The following IDO1 variants were observed in gnomAD, a reference collection of about 807,000 sequenced individuals.
IDO1 encodes the protein indolamine 2,3 dioxygenase.
Under a neutral mutation model 38.8 loss-of-function variants are expected in IDO1, and 35 were observed. The observed-to-expected ratio is 0.90, with a 90% CI of 0.69 to 1.20. The LOEUF (loss-of-function observed/expected upper bound fraction) is 1.20, where lower values mean the gene tolerates loss of function less well. Ranked by LOEUF, IDO1 falls within the 50% of genes most tolerant of loss-of-function variation. IDO1 has a pLI of 0.00. For missense variants in IDO1, 509 were observed against 485.1 expected, an observed-to-expected ratio of 1.05 and a Z score of -0.46; for synonymous variants, 171 against 170.0, an observed-to-expected ratio of 1.01 and a Z score of -0.05.
At position 39,920,112 on chromosome 8, in the gene IDO1, T is replaced by C. The variant is rs749071072; in HGVS notation, c.435T>C (p.Tyr145=). 17 of 1,609,900 alleles carry C rather than the reference T, an allele frequency of 1.1e-5. No homozygotes were observed. Among genetic ancestry groups the C allele is most frequent in the African/African-American group, 2.7e-5 (2 of 74,854 alleles). The change falls in exon 5 of 10, where the codon TAT becomes TAC. Residue 145 remains tyrosine, a splice_region_variant and synonymous_variant. Transcript: ENST00000518237. The part of the protein sequence containing the change: ...KKKDPNKPLT[Y]ENMDVLFSFR... ...CTGCTTTCATAAGGCCCCTGACTTA[T>C]GAGTAAGTATCTGATTCTTGTTTGA...
chr8:39,916,123 G>A (rs1241461409), intron 1 of IDO1, among the ~76,000 whole-genome samples: 2 of 151,954 alleles, frequency 1.3e-5, no homozygotes, highest in African/African-American at 4.8e-5. Context: ...CTGAGATCAC[G>A]CCACCGCACT....
At chr8:39,924,608 T>G (rs1172779423) in intron 7 of IDO1, 113 bp from the exon 8 acceptor site, 1 of 708,504 alleles carries the variant, frequency 1.4e-6, no homozygotes, top group African/African-American at 1.7e-5. Flanking sequence ...TAGACTGACC[T>G]AATGCCTTTT....
In IDO1 at chr8:39,920,047, G is replaced by A. The variant is rs910013393; in HGVS notation, c.423-53G>A. ...ACTCATCATTATTTGATGTTAAATT[G>A]GTTTTCTTTCTCTCTTCCAATTGGT... On this transcript the variant is annotated intron_variant, in intron 4 of 9. Transcript: ENST00000518237. 9 of 1,526,116 alleles carry A rather than the reference G, an allele frequency of 5.9e-6. No individual in the cohort carries two copies. In the African/African-American group the frequency reaches 9.6e-5, roughly 16 times the overall value. 94.5% of individuals were successfully genotyped at this position (1,526,116 alleles called of 1,614,324 possible).
At chr8:39,917,259 G>T (rs1423361720) in intron 1 of IDO1, among the ~76,000 whole-genome samples, 1 of 152,190 alleles carries the variant, frequency 6.6e-6, no homozygotes, top group Non-Finnish European at 1.5e-5. Flanking sequence ...ACTTTGGGAG[G>T]CCGAGGCAGG....
chr8:39,913,967 C>T lies in IDO1; in HGVS notation c.45C>T (p.Tyr15=). Residue 15 remains tyrosine (Y), a synonymous_variant, in exon 1 of 10, where the codon TAC becomes TAT. Transcript: ENST00000518237. ...MENSWTISKE[Y]HIDEEVGFAL... Reference sequence around the variant, plus strand: ...ACTCCTGGACAATCAGTAAAGAGTACCATATTGATGAAGAAGTGGGCTTTG... The same window carrying T: ...ACTCCTGGACAATCAGTAAAGAGTATCATATTGATGAAGAAGTGGGCTTTG... 1.3e-6 allele frequency: 2 copies of T among 1,575,758 alleles called. No individual in the cohort carries two copies. The highest frequency in any genetic ancestry group is 2.3e-5 in the East Asian group (1 of 43,144).
At chr8:39,923,659 G>T (rs1220507661) in intron 7 of IDO1, 73 bp downstream of exon 7, 2 of 851,786 alleles carry the variant, frequency 2.3e-6, no homozygotes, top group South Asian at 1.7e-5. Flanking sequence ...GTTGAAAAAA[G>T]GGAAGCAAAA....
At chr8:39,915,925 G>A (rs879625084) in intron 1 of IDO1, among the ~76,000 whole-genome samples, 2 of 152,182 alleles carry the variant, frequency 1.3e-5, no homozygotes, top group Non-Finnish European at 2.9e-5. Flanking sequence ...CAGCACTTTG[G>A]GAGACGGAGG....
At chr8:39,924,600 G>T in intron 7 of IDO1, 121 bp from the exon 8 acceptor site, 2 of 685,968 alleles carry the variant, frequency 2.9e-6, no homozygotes, top group South Asian at 3.5e-5. Context: ...GTTTAGCATA[G>T]ACTGACCTAA....
At chr8:39,916,160 CA>C (rs1554541583) in intron 1 of IDO1, among the ~76,000 whole-genome samples, 1 of 133,614 alleles carries the variant, frequency 7.5e-6, no homozygotes, top group East Asian at 2.3e-4. Context: ...AGCGAGACTC[CA>C]TCTCAGGAAA....
In IDO1 at chr8:39,918,862, A is replaced by AC. The variant is rs775610754; in HGVS notation, c.352dup (p.Leu118ProfsTer23). ...TTCCTTACTGCCAACTCTCCAAGAA[A>AC]CTGGAACTGCCTCCTATTTTGGTTT... is the stretch of plus-strand genomic sequence containing the variant. On this transcript the variant is annotated frameshift_variant, in exon 4 of 10. Coordinates refer to ENST00000518237, the MANE Select transcript of IDO1 (RefSeq NM_002164.6). LOFTEE classifies it high-confidence loss of function. The AC allele has an allele frequency of 5.6e-6, 9 of 1,613,598 alleles. No individual in the cohort carries two copies. Among genetic ancestry groups the AC allele is most frequent in the Non-Finnish European group, 5.9e-6 (7 of 1,179,602 alleles).
rs773675581 is a variant in IDO1, at chr8:39,914,004, C to T, written c.82C>T (p.Pro28Ser). The stretch of plus-strand genomic sequence containing the variant: ...AGAAGTGGGCTTTGCTCTGCCAAAT[C>T]CACAGGTAAGAGAAGGCAGTAAAAT... ...DEEVGFALPNPQENLPDFYND... is the reference protein window; with the variant it reads ...DEEVGFALPNSQENLPDFYND... Residue 28 changes from proline to serine, a missense_variant, in exon 1 of 10, where the codon CCA becomes TCA. Coordinates refer to ENST00000518237, the MANE Select transcript of IDO1 (RefSeq NM_002164.6). 11 of 1,564,346 alleles carry T rather than the reference C, an allele frequency of 7.0e-6. No individual in the cohort carries two copies. In the African/African-American group the frequency reaches 1.2e-4, roughly 17 times the overall value.
chr8:39,925,126 T>A, intron 8 of IDO1, 97 bp from the exon 9 acceptor site: 1 of 1,141,536 alleles, frequency 8.8e-7, no homozygotes, highest in Non-Finnish European at 1.2e-6. Context: ...CCATCTCTTG[T>A]CACCTTCTGT....
At chr8:39,918,767 AAACAAC>A (rs747397929) in intron 3 of IDO1, 42 bp from the exon 4 acceptor site, 97 of 580,440 alleles carry the variant, frequency 1.7e-4, no homozygotes, top group Admixed American at 2.9e-4. Context: ...AAAAAAAAAA[AAACAAC>A]AACAACAACA....
intron 5 of IDO1, among the ~76,000 whole-genome samples, chr8:39,920,415 A>G (rs1807254281): frequency 6.6e-6 from 1 of 152,256 alleles, no homozygotes; most frequent in Admixed American, 6.5e-5. Context: ...CTATGATTTA[A>G]TAACTCCCAT....
chr8:39,925,204 T>A lies in IDO1; in HGVS notation c.708-19T>A. On this transcript the variant is annotated intron_variant, in intron 8 of 9. Coordinates refer to ENST00000518237, the MANE Select transcript of IDO1 (RefSeq NM_002164.6). ...ACCTAAAGAATGATTTTTCTTTTTTTCTTTCTTTCCTCTGATAGCTGGAAA... is the reference window on the plus strand; with the variant it reads ...ACCTAAAGAATGATTTTTCTTTTTTACTTTCTTTCCTCTGATAGCTGGAAA... 1 of 1,559,476 alleles carries A rather than the reference T, an allele frequency of 6.4e-7. No individual in the cohort carries two copies. The highest frequency in any genetic ancestry group is 8.7e-7 in the Non-Finnish European group (1 of 1,155,494).
At chr8:39,924,843 T>C (rs552144694) in intron 8 of IDO1, 71 bp downstream of exon 8, 53 of 1,103,168 alleles carry the variant, frequency 4.8e-5, no homozygotes, top group Non-Finnish European at 6.4e-5. Flanking sequence ...TCTTGGTTGG[T>C]CCCTAATATC....
chr8:39,916,370 T>TGA (rs1302343063), intron 1 of IDO1, among the ~76,000 whole-genome samples: 1 of 150,362 alleles, frequency 6.7e-6, no homozygotes, highest in Non-Finnish European at 1.5e-5. Context: ...CCCAGCTACT[T>TGA]GAGAGGCTAA....
At chr8:39,918,020 T>A in intron 2 of IDO1, 50 bp downstream of exon 2, 5 of 1,611,604 alleles carry the variant, frequency 3.1e-6, no homozygotes, top group Non-Finnish European at 4.2e-6. Flanking sequence ...CTTAACATTG[T>A]TAACTTGGTT....
chr8:39,925,768 C>T (rs557256290), intron 9 of IDO1, among the ~76,000 whole-genome samples: 2 of 152,204 alleles, frequency 1.3e-5, no homozygotes, highest in South Asian at 4.1e-4. Context: ...CCTCTAATCC[C>T]AGCTACTCGG....
Sources: gnomAD v4.1 joint callset for allele counts (sites outside exome capture counted in the v4.1 genomes callset) on GRCh38, gnomAD v4.1.1 for gene constraint, MANE v1.5 for transcripts, NCBI Gene and HGNC (gene_info 2026-07-23, HGNC 2026-07-21) for gene names.